Variants in FUT2 observed in about 807,000 individuals in gnomAD.
The protein encoded by FUT2 is fucosyltransferase 2 (H blood group), also known as galactoside alpha-(1,2)-fucosyltransferase 2.
For synonymous variants in FUT2, 182 were observed against 193.1 expected (o/e 0.94, Z 0.48); for missense variants, 419 against 465.8 (o/e 0.90, Z 0.93).
In FUT2 at chr19:48,704,821, C is replaced by G; in HGVS notation, c.*833C>G. ...ATAGGAGGCAAAAGAAATGAGACTT[C>G]TGGGATTAGTTTAGCCTCAGATTCT... On this transcript the variant is annotated 3_prime_UTR_variant, in exon 2 of 2. Transcript: ENST00000425340. The G allele has an allele frequency of 2.4e-6, 1 of 413,306 alleles. No individual in the cohort carries two copies. The allele number at this position is 413,306 out of a possible 1,614,324, so 25.6% of individuals were successfully genotyped here.
At chr19:48,700,568 T>A (rs1363851670) in intron 1 of FUT2, among the ~76,000 whole-genome samples, 2 of 151,972 alleles carry the variant, frequency 1.3e-5, no homozygotes, top group Non-Finnish European at 1.5e-5. Flanking sequence ...CCTGACCTCA[T>A]GATCCGCCCG....
Position 48,704,613 on chromosome 19 carries a change from A to C in FUT2, c.*625A>C. 2.4e-6 allele frequency: 1 copy of C among 414,954 alleles called. No individual in the cohort carries two copies. The allele number at this position is 414,954 out of a possible 1,614,324, so 25.7% of individuals were successfully genotyped here. A position where few individuals can be genotyped will look rare whatever the true frequency, so the allele number is the denominator to read the frequency against. On this transcript the variant is annotated 3_prime_UTR_variant, in exon 2 of 2. Transcript: ENST00000425340. ...TACCATTTCTTAGCTGTATCATCCC[A>C]TGGTCCCAAAAGGGCTGCTACACAT...
chr19:48,703,529 G>A lies in FUT2; in HGVS notation c.573G>A (p.Arg191=). ...FLRGLQVNGS[R]PGTFVGVHVR... ...GGGGCCTGCAGGTGAACGGGAGCCG[G>A]CCGGGCACCTTTGTAGGGGTCCATG... is the stretch of plus-strand genomic sequence containing the variant. The change falls in exon 2 of 2, where the codon CGG becomes CGA. Residue 191 remains arginine, a synonymous_variant. Transcript: ENST00000425340. 3 of 1,613,220 alleles carry A rather than the reference G, an allele frequency of 1.9e-6. No individual in the cohort carries two copies. Among genetic ancestry groups the A allele is most frequent in the Non-Finnish European group, 2.5e-6 (3 of 1,180,012 alleles).
rs952379679 is a variant in FUT2, at chr19:48,704,049, G to T, written c.*61G>T. 4 of 1,441,374 alleles carry T rather than the reference G, an allele frequency of 2.8e-6. No homozygotes were observed. The highest frequency in any genetic ancestry group is 1.8e-4 in the Middle Eastern group (1 of 5,524). The allele number at this position is 1,441,374 out of a possible 1,614,324, so 89.3% of individuals were successfully genotyped here. A position where few individuals can be genotyped will look rare whatever the true frequency, so the allele number is the denominator to read the frequency against. ...TGCCTCCCTCAAGATGAGTGCCCGG[G>T]CATGAGAAGCACATGGTTCCATGAG... is the stretch of plus-strand genomic sequence containing the variant. On this transcript the variant is annotated 3_prime_UTR_variant, in exon 2 of 2. Coordinates refer to ENST00000425340, the MANE Select transcript of FUT2 (RefSeq NM_000511.6).
At position 48,703,626 on chromosome 19, in the gene FUT2, C is replaced by G. The variant is rs1453839552; in HGVS notation, c.670C>G (p.Gln224Glu). 6.2e-7 allele frequency: 1 copy of G among 1,613,532 alleles called. No individual in the cohort carries two copies. The highest frequency in any genetic ancestry group is 8.5e-7 in the Non-Finnish European group (1 of 1,180,034). The change falls in exon 2 of 2, where the codon CAG becomes GAG. Residue 224 changes from glutamine (Q) to glutamate (E), a missense_variant. Transcript: ENST00000425340. ...GGTGGTGGCCGACCGGCGATACCTA[C>G]AGCAGGCCCTGGACTGGTTCCGAGC... The part of the protein sequence containing the change: ...KGVVADRRYL[Q>E]QALDWFRARY...
At chr19:48,700,476 A>G (rs111311275) in intron 1 of FUT2, among the ~76,000 whole-genome samples, 31,716 of 151,360 alleles carry the variant, frequency 0.21, 4,051 homozygotes, top group African/African-American at 0.36. Context: ...ATAGGCGCCC[A>G]CCACCACACC....
chr19:48,699,093 G>T (rs1022187933), intron 1 of FUT2, among the ~76,000 whole-genome samples: 3 of 146,392 alleles, frequency 2.0e-5, no homozygotes, highest in African/African-American at 7.5e-5. Context: ...TACAGTAAAA[G>T]GTTAACAGAC....
At chr19:48,697,842 G>A (rs1317388280) in intron 1 of FUT2, among the ~76,000 whole-genome samples, 1 of 151,864 alleles carries the variant, frequency 6.6e-6, no homozygotes, top group Non-Finnish European at 1.5e-5. Context: ...TTACAGTCAT[G>A]AGCCACCATG....
rs1406380167 is a variant in FUT2 at position 48,703,879 on chromosome 19, A to T, written c.923A>T (p.Asn308Ile). Reference sequence around the variant, plus strand: ...GGCGGAGACACCATCTACCTGGCCAATTACACCCTCCCCGACTCCCCTTTC... The same window carrying T: ...GGCGGAGACACCATCTACCTGGCCATTTACACCCTCCCCGACTCCCCTTTC... The part of the protein sequence containing the change: ...LTGGDTIYLA[N>I]YTLPDSPFLK... Residue 308 changes from asparagine (N) to isoleucine (I), a missense_variant, in exon 2 of 2, where the codon AAT (asparagine) becomes ATT (isoleucine). Coordinates refer to ENST00000425340, the MANE Select transcript of FUT2 (RefSeq NM_000511.6). The T allele has an allele frequency of 5.6e-6, 9 of 1,613,462 alleles. 1 individual carries two copies. In the South Asian group the frequency reaches 8.8e-5, roughly 16 times the overall value.
In FUT2 at chr19:48,703,260, A is replaced by C. The variant is rs1280783513; in HGVS notation, c.304A>C (p.Thr102Pro). The change falls in exon 2 of 2, where the codon ACC (threonine) becomes CCC (proline). Residue 102 changes from threonine (T) to proline (P), a missense_variant. Physicochemically the swap from Thr to Pro is conservative, Grantham distance 38 (BLOSUM62 -1). Coordinates refer to ENST00000425340, the MANE Select transcript of FUT2 (RefSeq NM_000511.6). Reference protein sequence around the residue: ...PAFIPAQMHSTLAPIFRITLP... With the variant: ...PAFIPAQMHSPLAPIFRITLP... ...CTTCATCCCGGCCCAGATGCACAGCACCCTGGCCCCCATCTTCAGAATCAC... is the reference window on the plus strand; with the variant it reads ...CTTCATCCCGGCCCAGATGCACAGCCCCCTGGCCCCCATCTTCAGAATCAC... 3.1e-6 allele frequency: 5 copies of C among 1,612,886 alleles called. No homozygotes were observed. Among genetic ancestry groups the C allele is most frequent in the Non-Finnish European group, 3.4e-6 (4 of 1,180,004 alleles).
At position 48,705,637 on chromosome 19, in the gene FUT2, C is replaced by T. The variant is rs1014660231; in HGVS notation, c.*1649C>T. 3.6e-5 allele frequency: 6 copies of T among 167,134 alleles called. No individual in the cohort carries two copies. Among genetic ancestry groups the T allele is most frequent in the Non-Finnish European group, 7.3e-5 (5 of 68,142 alleles). 10.4% of individuals were successfully genotyped at this position (167,134 alleles called of 1,614,324 possible). On this transcript the variant is annotated 3_prime_UTR_variant, in exon 2 of 2. Transcript: ENST00000425340. ...ATTCTTTCAGTAAATGTTTGCAGCA[C>T]ATGTGTTACATGTCAGGCAGTGAAA...
intron 1 of FUT2, 99 bp from the exon 2 acceptor site, chr19:48,702,856 A>C: frequency 8.9e-7 from 1 of 1,120,898 alleles, no homozygotes; most frequent in Non-Finnish European, 1.4e-6. Context: ...AAGCACACAC[A>C]CACCCACACT....
chr19:48,700,808 G>A (rs913050626), intron 1 of FUT2, among the ~76,000 whole-genome samples: 3 of 151,970 alleles, frequency 2.0e-5, no homozygotes, highest in South Asian at 2.1e-4. Flanking sequence ...CCACAACTCC[G>A]ATGGGTAGGA....
At position 48,705,061 on chromosome 19, in the gene FUT2, T is replaced by TG. The variant is rs1358325125; in HGVS notation, c.*1075dup. 3.5e-5 allele frequency: 14 copies of TG among 398,758 alleles called. No individual in the cohort carries two copies. Among genetic ancestry groups the TG allele is most frequent in the Non-Finnish European group, 5.5e-5 (12 of 217,538 alleles). The allele number at this position is 398,758 out of a possible 1,614,324, so 24.7% of individuals were successfully genotyped here. A position where few individuals can be genotyped will look rare whatever the true frequency, so the allele number is the denominator to read the frequency against. On this transcript the variant is annotated 3_prime_UTR_variant, in exon 2 of 2. Coordinates refer to ENST00000425340, the MANE Select transcript of FUT2 (RefSeq NM_000511.6). Reference sequence around the variant, plus strand: ...GTCTACTCATCAAACCAGGTGTCCTTGGCATTGTGTCCACCCAGAGAGCTC... The same window carrying TG: ...GTCTACTCATCAAACCAGGTGTCCTTGGGCATTGTGTCCACCCAGAGAGCTC...
chr19:48,705,106 C>CTTTCTTT lies in FUT2; in HGVS notation c.*1121_*1122insCTTTTTT, dbSNP rs2032613952. ...GAGCTCACTGTTTTCTTTTCTTTTT[C>CTTTCTTT]TTTTCTTTTTTTTTTTTTTTTTGAG... On this transcript the variant is annotated 3_prime_UTR_variant, in exon 2 of 2. Coordinates refer to ENST00000425340, the MANE Select transcript of FUT2 (RefSeq NM_000511.6). 5.3e-5 allele frequency: 10 copies of CTTTCTTT among 188,950 alleles called. No individual in the cohort carries two copies. Among genetic ancestry groups the CTTTCTTT allele is most frequent in the Non-Finnish European group, 1.1e-4 (10 of 93,786 alleles). The allele number at this position is 188,950 out of a possible 1,614,324, so 11.7% of individuals were successfully genotyped here.
At chr19:48,702,885 A>G in intron 1 of FUT2, 70 bp from the exon 2 acceptor site, 1 of 1,439,214 alleles carries the variant, frequency 6.9e-7, no homozygotes, top group East Asian at 2.3e-5. Context: ...ACACCACCGC[A>G]TGGCCACGTT....
chr19:48,702,816 A>T (rs975211430), intron 1 of FUT2, 139 bp from the exon 2 acceptor site: 6 of 821,418 alleles, frequency 7.3e-6, no homozygotes, highest in Non-Finnish European at 8.4e-6. Context: ...ATAGGCAAGT[A>T]TGTGCCAAGT....
At position 48,703,193 on chromosome 19, in the gene FUT2, C is replaced by T. The variant is rs368563249; in HGVS notation, c.237C>T (p.Tyr79=). 38 of 1,613,360 alleles carry T rather than the reference C, an allele frequency of 2.4e-5. No homozygotes were observed. Among genetic ancestry groups the T allele is most frequent in the Non-Finnish European group, 3.1e-5 (36 of 1,180,024 alleles). ...GCCTGGGGAACCAGATGGGCGAGTA[C>T]GCCACACTGTACGCCCTGGCCAAGA... ...IGRLGNQMGE[Y]ATLYALAKMN... The change falls in exon 2 of 2, where the codon TAC becomes TAT. Residue 79 remains tyrosine (Y), a synonymous_variant. Transcript: ENST00000425340.
In FUT2 at chr19:48,703,748, C is replaced by T. The variant is rs550360759; in HGVS notation, c.792C>T (p.Gly264=). 8 of 1,613,408 alleles carry T rather than the reference C, an allele frequency of 5.0e-6. No homozygotes were observed. Among genetic ancestry groups the T allele is most frequent in the Middle Eastern group, 1.6e-4 (1 of 6,084 alleles). Residue 264 remains glycine, a synonymous_variant, in exon 2 of 2, where the codon GGC becomes GGT. Transcript: ENST00000425340. ...CCCACGGTGATGTGGTGTTTGCTGGCGATGGCATTGAGGGCTCACCTGCCA... is the reference window on the plus strand; with the variant it reads ...CCCACGGTGATGTGGTGTTTGCTGGTGATGGCATTGAGGGCTCACCTGCCA... ...DTSHGDVVFA[G]DGIEGSPAKD...
Sources: allele counts gnomAD v4.1 joint callset (sites outside exome capture counted in the v4.1 genomes callset), GRCh38; gene constraint gnomAD v4.1.1; transcripts MANE v1.5; gene names NCBI Gene and HGNC (gene_info 2026-07-23, HGNC 2026-07-21).